Variants in BMAL1 observed in about 807,000 individuals in gnomAD.
The protein encoded by BMAL1 is basic helix-loop-helix ARNT-like protein 1.
the BMAL1 span, among the ~76,000 whole-genome samples, chr11:13,300,864 T>A: frequency 2.0e-5 from 3 of 152,320 alleles, no homozygotes; most frequent in African/African-American, 7.2e-5. Flanking sequence ...TCCCCAGTAC[T>A]GCTTTGAGCC....
chr11:13,346,007 C>A, the BMAL1 span, among the ~76,000 whole-genome samples: 2 of 152,176 alleles, frequency 1.3e-5, no homozygotes, highest in Non-Finnish European at 2.9e-5. Flanking sequence ...AGGTCCCAGG[C>A]AAATGGATGA....
chr11:13,284,264 A>AT, the BMAL1 span, among the ~76,000 whole-genome samples: 2 of 34,818 alleles, frequency 5.7e-5, no homozygotes, highest in African/African-American at 1.6e-4. Flanking sequence ...ATATATATAT[A>AT]TATTTTTTTT....
the BMAL1 span, among the ~76,000 whole-genome samples, chr11:13,285,117 G>C: frequency 6.6e-6 from 1 of 152,146 alleles, no homozygotes; most frequent in Non-Finnish European, 1.5e-5. Flanking sequence ...TGTTCCCTTT[G>C]TGTGTGCTCT....
At chr11:13,356,802 C>CT in the BMAL1 span, 1 of 1,614,036 alleles carries the variant, frequency 6.2e-7, no homozygotes, top group Non-Finnish European at 8.5e-7. Flanking sequence ...GTAATTTGAA[C>CT]TTCAGCATCC....
At chr11:13,348,839 A>G in the BMAL1 span, among the ~76,000 whole-genome samples, 1 of 152,352 alleles carries the variant, frequency 6.6e-6, no homozygotes, top group East Asian at 1.9e-4. Context: ...ATTCGCAGAT[A>G]TTCATTTGGA....
the BMAL1 span, among the ~76,000 whole-genome samples, chr11:13,321,704 A>G: frequency 6.6e-6 from 1 of 152,164 alleles, no homozygotes; most frequent in Non-Finnish European, 1.5e-5. Context: ...CACATCAGTC[A>G]TAATTGACAA....
chr11:13,278,441 C>G, the BMAL1 span, among the ~76,000 whole-genome samples: 1 of 152,214 alleles, frequency 6.6e-6, no homozygotes, highest in Non-Finnish European at 1.5e-5. Flanking sequence ...CGAACGGTGC[C>G]GCGTCTGCCC....
the BMAL1 span, among the ~76,000 whole-genome samples, chr11:13,326,843 A>G: frequency 2.0e-5 from 3 of 151,712 alleles, no homozygotes; most frequent in African/African-American, 7.2e-5. Flanking sequence ...TTTTTGAGAC[A>G]GAGTCTCGCT....
At chr11:13,369,792 ACCC>A in the BMAL1 span, 1 of 1,599,604 alleles carries the variant, frequency 6.3e-7, no homozygotes, top group Admixed American at 1.8e-5. Flanking sequence ...GTCCATTAAA[ACCC>A]TGTGACAGGT....
At chr11:13,333,148 G>C in the BMAL1 span, among the ~76,000 whole-genome samples, 3 of 152,034 alleles carry the variant, frequency 2.0e-5, no homozygotes, top group Admixed American at 1.3e-4. Context: ...TGGATTTTTA[G>C]TAGAGACGGG....
At chr11:13,385,878 A>G in the BMAL1 span, 6 of 1,009,476 alleles carry the variant, frequency 5.9e-6, no homozygotes, top group Non-Finnish European at 9.1e-6. Context: ...ACTGTGTGAA[A>G]CAAGCTAATC....
At chr11:13,314,917 G>A in the BMAL1 span, among the ~76,000 whole-genome samples, 1 of 152,276 alleles carries the variant, frequency 6.6e-6, no homozygotes, top group East Asian at 1.9e-4. Context: ...GTCAGCATCT[G>A]TACTTTGCAT....
the BMAL1 span, among the ~76,000 whole-genome samples, chr11:13,285,431 G>A: frequency 6.6e-6 from 1 of 152,152 alleles, no homozygotes; most frequent in South Asian, 2.1e-4. Context: ...TGTGAGAAGT[G>A]CTAGGAGTGC....
At chr11:13,352,308 G>A in the BMAL1 span, among the ~76,000 whole-genome samples, 933 of 152,302 alleles carry the variant, frequency 6.1e-3, 7 homozygotes, top group African/African-American at 0.021. Flanking sequence ...ATTGCTGGGC[G>A]GCATGCAGGC....
chr11:13,331,549 C>T, the BMAL1 span, among the ~76,000 whole-genome samples: 1 of 152,184 alleles, frequency 6.6e-6, no homozygotes, highest in Non-Finnish European at 1.5e-5. Context: ...GACAGGCAAT[C>T]CCAAGTTCCC....
At chr11:13,366,620 T>G in the BMAL1 span, 2 of 1,517,892 alleles carry the variant, frequency 1.3e-6, no homozygotes, top group Non-Finnish European at 1.8e-6. Flanking sequence ...TAATTGATTT[T>G]CTGCATGCAA....
the BMAL1 span, chr11:13,354,518 A>T: frequency 6.4e-7 from 1 of 1,562,392 alleles, no homozygotes; most frequent in Non-Finnish European, 8.7e-7. Flanking sequence ...AACATCTAGC[A>T]GCCAGCTACT....
chr11:13,277,254 G>C, the BMAL1 span, among the ~76,000 whole-genome samples: 1 of 152,214 alleles, frequency 6.6e-6, no homozygotes, highest in African/African-American at 2.4e-5. Flanking sequence ...GCTTTTCGTC[G>C]GAATGCCCGG....
the BMAL1 span, among the ~76,000 whole-genome samples, chr11:13,284,266 A>ATTTTTTTT: frequency 2.2e-5 from 1 of 44,882 alleles, no homozygotes; most frequent in Non-Finnish European, 4.7e-5. Context: ...ATATATATAT[A>ATTTTTTTT]TTTTTTTTTT....
Sources: allele counts gnomAD v4.1 joint callset (sites outside exome capture counted in the v4.1 genomes callset), GRCh38; gene constraint gnomAD v4.1.1; transcripts MANE v1.5; gene names NCBI Gene and HGNC (gene_info 2026-07-23, HGNC 2026-07-21).